The following BAIAP2L1 variants were observed in gnomAD, a reference collection of about 807,000 sequenced individuals.
BAIAP2L1 encodes BAR/IMD domain containing adaptor protein 2 like 1.
Under a neutral mutation model 66.3 loss-of-function variants are expected in BAIAP2L1, and 35 were observed. The observed-to-expected ratio is 0.53, with a 90% CI of 0.40 to 0.70. The LOEUF is 0.70. Among genes scored for constraint, BAIAP2L1 ranks in the 30% least tolerant of loss-of-function variants. The probability of loss-of-function intolerance (pLI) is 0.00; values close to 1 mark genes in which losing one functional copy is unlikely to be tolerated. For synonymous variants in BAIAP2L1, 269 were observed against 248.7 expected (o/e 1.08, Z -0.77); for missense variants, 622 against 656.9 (o/e 0.95, Z 0.58).
At chr7:98,320,358 G>A in intron 3 of BAIAP2L1, 60 bp from the exon 4 acceptor site, 1 of 1,348,492 alleles carries the variant, frequency 7.4e-7, no homozygotes, top group Non-Finnish European at 1.0e-6. Flanking sequence ...GTTTTGAAAT[G>A]GAGTTTTTGC....
intron 3 of BAIAP2L1, among the ~76,000 whole-genome samples, chr7:98,340,588 T>C (rs1230175218): frequency 6.6e-6 from 1 of 152,082 alleles, no homozygotes; most frequent in African/African-American, 2.4e-5. Flanking sequence ...CGCCCGGCTA[T>C]GTAAGTAATA....
chr7:98,327,119 G>T (rs908600850), intron 3 of BAIAP2L1, among the ~76,000 whole-genome samples: 1 of 152,022 alleles, frequency 6.6e-6, no homozygotes, highest in African/African-American at 2.4e-5. Context: ...CCAGTGCTCT[G>T]GGAGGCCAAG....
chr7:98,294,012 G>T, intron 13 of BAIAP2L1, 62 bp downstream of exon 13: 1 of 1,569,290 alleles, frequency 6.4e-7, no homozygotes, highest in Non-Finnish European at 8.8e-7. Flanking sequence ...AGGCCCTTCC[G>T]GGGGACACTA....
chr7:98,316,671 T>C (rs954332882), intron 6 of BAIAP2L1, among the ~76,000 whole-genome samples: 5 of 152,210 alleles, frequency 3.3e-5, no homozygotes, highest in Admixed American at 1.3e-4. Flanking sequence ...AAATAATGCA[T>C]CGCTGTTAAC....
chr7:98,359,761 T>G (rs1802225256), intron 2 of BAIAP2L1, among the ~76,000 whole-genome samples: 1 of 146,466 alleles, frequency 6.8e-6, no homozygotes, highest in South Asian at 2.2e-4. Context: ...TTTTTTTTTT[T>G]TTTTTTTAAT....
chr7:98,371,947 A>C (rs1487323339), intron 1 of BAIAP2L1, among the ~76,000 whole-genome samples: 1 of 151,804 alleles, frequency 6.6e-6, no homozygotes. Context: ...GATGCCCGCC[A>C]CTGCACCTGG....
chr7:98,308,313 AAAG>A (rs1207825106), intron 9 of BAIAP2L1: 1 of 459,830 alleles, frequency 2.2e-6, no homozygotes, highest in Admixed American at 2.3e-5. Context: ...CAATGTCCAC[AAAG>A]AAAAGAAGAA....
rs373349136 is a variant in BAIAP2L1 at position 98,366,709 on chromosome 7, T to A, written c.52-4277A>T. Among the ~76,000 whole-genome samples the A allele has an allele frequency of 1.3e-4, 20 of 152,188 alleles. No homozygotes were observed. In the East Asian group the frequency reaches 1.7e-3, roughly 13 times the overall value. ...TGCCTGGAAGCCCGCTCACCTGGTA[T>A]CACTAGACGCAGTCAGGTGCTTGGC... On this transcript the variant is annotated intron_variant, in intron 1 of 13. Coordinates refer to ENST00000005260, the MANE Select transcript of BAIAP2L1 (RefSeq NM_018842.5).
chr7:98,298,205 G>C (rs1408879142), intron 12 of BAIAP2L1, among the ~76,000 whole-genome samples: 1 of 152,230 alleles, frequency 6.6e-6, no homozygotes, highest in African/African-American at 2.4e-5. Flanking sequence ...GACAGCTGTG[G>C]GGCTTCCCAG....
chr7:98,317,967 A>T (rs1358571816), intron 5 of BAIAP2L1, among the ~76,000 whole-genome samples: 1 of 150,546 alleles, frequency 6.6e-6, no homozygotes, highest in African/African-American at 2.4e-5. Flanking sequence ...ATTTCACACC[A>T]TCCTTACGCT....
At chr7:98,349,972 G>A (rs547451267) in intron 3 of BAIAP2L1, among the ~76,000 whole-genome samples, 6 of 152,092 alleles carry the variant, frequency 3.9e-5, no homozygotes, top group South Asian at 4.2e-4. Context: ...CAGGAGAATC[G>A]CCAGGCATGG....
intron 3 of BAIAP2L1, among the ~76,000 whole-genome samples, chr7:98,322,200 T>G (rs1037197827): frequency 5.3e-5 from 8 of 152,146 alleles, no homozygotes; most frequent in African/African-American, 1.9e-4. Context: ...AAGCACAGAC[T>G]GGACTATGGC....
chr7:98,305,321 TA>T (rs10708312), intron 11 of BAIAP2L1, among the ~76,000 whole-genome samples: 85,431 of 148,052 alleles, frequency 0.58, 25,056 homozygotes, highest in Middle Eastern at 0.74. Flanking sequence ...AGCTAAGAGT[TA>T]AAAAAAAAAA....
At chr7:98,354,951 CCTCTGTTCT>C in intron 3 of BAIAP2L1, 82 bp downstream of exon 3, 1 of 925,522 alleles carries the variant, frequency 1.1e-6, no homozygotes, top group Non-Finnish European at 1.8e-6. Context: ...CCAGATCTCT[CCTCTGTTCT>C]GGACTGGGCC....
intron 3 of BAIAP2L1, among the ~76,000 whole-genome samples, chr7:98,338,076 T>C (rs564958606): frequency 6.6e-6 from 1 of 152,300 alleles, no homozygotes; most frequent in African/African-American, 2.4e-5. Flanking sequence ...GTAACATTAG[T>C]ACATTCACAA....
intron 1 of BAIAP2L1, among the ~76,000 whole-genome samples, chr7:98,390,324 G>A (rs1296451146): frequency 3.3e-5 from 5 of 152,162 alleles, no homozygotes; most frequent in Admixed American, 2.0e-4. Flanking sequence ...AACAGAGGTA[G>A]GAGATGGCGA....
intron 1 of BAIAP2L1, among the ~76,000 whole-genome samples, chr7:98,389,014 A>G (rs1584506175): frequency 6.6e-6 from 1 of 152,084 alleles, no homozygotes; most frequent in Non-Finnish European, 1.5e-5. Context: ...GTTTTATCCA[A>G]AAAATCCTGG....
chr7:98,342,820 T>C (rs1226862795), intron 3 of BAIAP2L1, among the ~76,000 whole-genome samples: 1 of 152,166 alleles, frequency 6.6e-6, no homozygotes, highest in African/African-American at 2.4e-5. Context: ...CCCTTTCACC[T>C]TTTCAATATT....
chr7:98,350,521 T>C (rs548658737), intron 3 of BAIAP2L1, among the ~76,000 whole-genome samples: 47 of 152,120 alleles, frequency 3.1e-4, no homozygotes, highest in Non-Finnish European at 2.9e-5. Context: ...TAGCTGGGCG[T>C]GGTGGTGTGC....
Sources: gnomAD v4.1 joint callset for allele counts (sites outside exome capture counted in the v4.1 genomes callset) on GRCh38, gnomAD v4.1.1 for gene constraint, MANE v1.5 for transcripts, NCBI Gene and HGNC (gene_info 2026-07-23, HGNC 2026-07-21) for gene names.